Variants in SUGCT observed in about 807,000 individuals in gnomAD.
The protein encoded by SUGCT is succinyl-CoA:glutarate-CoA transferase.
In SUGCT, 41 loss-of-function variants were observed where a neutral mutation model predicts 55.0. The ratio of observed to expected loss-of-function variants is 0.74; its 90% CI spans 0.58 to 0.97. The LOEUF is 0.97. Ranked by LOEUF, SUGCT falls within the 50% of genes least tolerant of loss-of-function variation. The pLI, the probability that SUGCT is intolerant of heterozygous loss-of-function variation, is 0.00. For synonymous variants in SUGCT, 187 were observed against 200.4 expected (o/e 0.93, Z 0.56); for missense variants, 568 against 547.8 (o/e 1.04, Z -0.37).
intron 13 of SUGCT, among the ~76,000 whole-genome samples, chr7:40,837,155 AT>A (rs1405767995): frequency 6.6e-6 from 1 of 152,138 alleles, no homozygotes; most frequent in African/African-American, 2.4e-5. Context: ...TCAACAGCTA[AT>A]TGTGATTTTT....
intron 11 of SUGCT, among the ~76,000 whole-genome samples, chr7:40,492,182 A>G (rs1583822484): frequency 6.6e-6 from 1 of 152,146 alleles, no homozygotes; most frequent in East Asian, 1.9e-4. Flanking sequence ...AAAGGCATTC[A>G]TGACCAAACC....
intron 12 of SUGCT, among the ~76,000 whole-genome samples, chr7:40,744,422 G>A (rs1349948319): frequency 6.6e-6 from 1 of 152,114 alleles, no homozygotes; most frequent in East Asian, 1.9e-4. Flanking sequence ...CTGTTTGGCT[G>A]ATTTTCTTTC....
chr7:40,488,018 C>G (rs536633325), intron 11 of SUGCT, among the ~76,000 whole-genome samples: 1 of 146,608 alleles, frequency 6.8e-6, no homozygotes, highest in Non-Finnish European at 1.5e-5. Flanking sequence ...AACTACTCTG[C>G]TCTTTTTTTT....
At chr7:40,283,555 A>G (rs1340745650) in intron 8 of SUGCT, among the ~76,000 whole-genome samples, 1 of 152,164 alleles carries the variant, frequency 6.6e-6, no homozygotes, top group African/African-American at 2.4e-5. Flanking sequence ...AAGACATACA[A>G]GTGGCCAACA....
At chr7:40,290,721 C>G (rs1015433044) in intron 8 of SUGCT, among the ~76,000 whole-genome samples, 3 of 152,010 alleles carry the variant, frequency 2.0e-5, no homozygotes, top group African/African-American at 7.2e-5. Flanking sequence ...AACAGGCAAC[C>G]TACAAAATGG....
At chr7:40,926,219 A>G in the SUGCT span, among the ~76,000 whole-genome samples, 2 of 152,284 alleles carry the variant, frequency 1.3e-5, no homozygotes, top group East Asian at 1.9e-4. Flanking sequence ...ATGTTACTCA[A>G]TATTTCAATA....
chr7:40,950,402 A>G, the SUGCT span, among the ~76,000 whole-genome samples: 1 of 152,226 alleles, frequency 6.6e-6, no homozygotes, highest in Non-Finnish European at 1.5e-5. Context: ...TCATCTGCAA[A>G]CAGGGACAAT....
chr7:40,449,860 T>G (rs990355248), intron 10 of SUGCT, among the ~76,000 whole-genome samples: 1 of 152,192 alleles, frequency 6.6e-6, no homozygotes, highest in Non-Finnish European at 1.5e-5. Context: ...AATTTATGTT[T>G]CAAGGTTTTA....
intron 12 of SUGCT, among the ~76,000 whole-genome samples, chr7:40,544,499 C>G (rs1452778134): frequency 6.6e-6 from 1 of 152,160 alleles, no homozygotes; most frequent in African/African-American, 2.4e-5. Context: ...TGACAAGTTC[C>G]ACATTAAATC....
intron 12 of SUGCT, among the ~76,000 whole-genome samples, chr7:40,551,107 AGT>A (rs1261027808): frequency 6.6e-6 from 1 of 152,078 alleles, no homozygotes; most frequent in African/African-American, 2.4e-5. Flanking sequence ...TCTGTATTCA[AGT>A]GGGCATGCTC....
rs556260912 is a variant in SUGCT, at chr7:40,294,164, TC to T, written c.720+19509del. ...GGTTTCACCATGCTGGCCAGGCTGGTCTTGCCTACTCCTGACCTCAGGTGAT... is the reference window on the plus strand; with the variant it reads ...GGTTTCACCATGCTGGCCAGGCTGGTTTGCCTACTCCTGACCTCAGGTGAT... On this transcript the variant is annotated intron_variant, in intron 8 of 13. Transcript: ENST00000335693. 2.5e-3 allele frequency among the ~76,000 whole-genome samples: 376 copies of T among 152,088 alleles called. 1 individual carries two copies. The highest frequency in any genetic ancestry group is 4.8e-3 in the Non-Finnish European group (329 of 67,974).
intron 1 of SUGCT, among the ~76,000 whole-genome samples, chr7:40,135,528 TAC>T (rs1420764554): frequency 1.3e-5 from 2 of 152,294 alleles, no homozygotes; most frequent in African/African-American, 4.8e-5. Flanking sequence ...GATGCCCTTG[TAC>T]AGTTACCTGT....
intron 9 of SUGCT, among the ~76,000 whole-genome samples, chr7:40,321,740 G>A (rs1795765939): frequency 6.6e-6 from 1 of 152,114 alleles, no homozygotes; most frequent in South Asian, 2.1e-4. Flanking sequence ...TTCCATCCAT[G>A]TTGCTGCAAA....
intron 13 of SUGCT, among the ~76,000 whole-genome samples, chr7:40,754,026 A>G (rs1402961663): frequency 1.3e-5 from 2 of 152,184 alleles, no homozygotes; most frequent in African/African-American, 4.8e-5. Flanking sequence ...TAGGAAAGAA[A>G]TGTAATTTGT....
At chr7:40,333,143 A>G (rs1355001079) in intron 9 of SUGCT, among the ~76,000 whole-genome samples, 1 of 152,162 alleles carries the variant, frequency 6.6e-6, no homozygotes, top group African/African-American at 2.4e-5. Flanking sequence ...AGTAGAAACT[A>G]ATGGAAACTA....
At chr7:40,472,260 A>C (rs2151472417) in intron 11 of SUGCT, among the ~76,000 whole-genome samples, 1 of 152,302 alleles carries the variant, frequency 6.6e-6, no homozygotes. Context: ...AGTTGTTCAC[A>C]ATCATGAAAT....
At chr7:40,536,290 G>T (rs1474145293) in intron 12 of SUGCT, among the ~76,000 whole-genome samples, 1 of 152,182 alleles carries the variant, frequency 6.6e-6, no homozygotes, top group African/African-American at 2.4e-5. Flanking sequence ...TGAACTTGGT[G>T]TAAATGGGAA....
the SUGCT span, among the ~76,000 whole-genome samples, chr7:40,943,333 G>C: frequency 1.3e-5 from 2 of 150,448 alleles, no homozygotes; most frequent in African/African-American, 4.9e-5. Context: ...ACAATGTGCA[G>C]GTTAGTTACA....
chr7:40,875,685 A>C, the SUGCT span, among the ~76,000 whole-genome samples: 1 of 152,222 alleles, frequency 6.6e-6, no homozygotes, highest in Non-Finnish European at 1.5e-5. Context: ...GTAGACAATA[A>C]TGCTAATAAA....
Sources: allele counts gnomAD v4.1 joint callset (sites outside exome capture counted in the v4.1 genomes callset), GRCh38; gene constraint gnomAD v4.1.1; transcripts MANE v1.5; gene names NCBI Gene and HGNC (gene_info 2026-07-23, HGNC 2026-07-21).